The following SUMF1 variants were observed in gnomAD, a reference collection of about 807,000 sequenced individuals.
The protein encoded by SUMF1 is sulfatase modifying factor 1, also known as formylglycine-generating enzyme.
SUMF1 carries 48 observed loss-of-function variants against 47.6 expected under a neutral mutation model. That is an observed-to-expected ratio of 1.01 (90% confidence interval 0.80 to 1.28). SUMF1 has a LOEUF of 1.28. Ranked by LOEUF, SUMF1 falls within the 50% of genes most tolerant of loss-of-function variation. SUMF1 has a pLI of 0.00. For missense variants in SUMF1, 571 were observed against 485.4 expected, an observed-to-expected ratio of 1.18 and a Z score of -1.66; for synonymous variants, 230 against 192.1, an observed-to-expected ratio of 1.20 and a Z score of -1.63.
chr3:4,417,671 TACC>T (rs1401752446), intron 5 of SUMF1, among the ~76,000 whole-genome samples: 1 of 152,204 alleles, frequency 6.6e-6, no homozygotes, highest in Non-Finnish European at 1.5e-5. Flanking sequence ...AGCAGAGACA[TACC>T]GCTGCTTCAG....
chr3:4,282,768 G>T (rs1008816533), intron 8 of SUMF1, among the ~76,000 whole-genome samples: 1 of 152,146 alleles, frequency 6.6e-6, no homozygotes, highest in Non-Finnish European at 1.5e-5. Context: ...TTTTTGTCCT[G>T]CGTCAATCAC....
intron 2 of SUMF1, among the ~76,000 whole-genome samples, chr3:4,449,564 T>C (rs770744391): frequency 1.3e-5 from 2 of 152,238 alleles, no homozygotes; most frequent in African/African-American, 4.8e-5. Flanking sequence ...ACTTAGCTGA[T>C]AAGAATGCAG....
At chr3:4,354,955 G>A (rs1007949784) in intron 8 of SUMF1, among the ~76,000 whole-genome samples, 8 of 152,190 alleles carry the variant, frequency 5.3e-5, no homozygotes, top group African/African-American at 1.9e-4. Flanking sequence ...AGAGGACATT[G>A]CTTGCCTTAC....
chr3:4,454,919 G>A lies in SUMF1; in HGVS notation c.271-1870C>T, dbSNP rs112672252. 5.4e-3 allele frequency among the ~76,000 whole-genome samples: 819 copies of A among 152,286 alleles called. 4 individuals are homozygous for A. Among genetic ancestry groups the A allele is most frequent in the Middle Eastern group, 0.01 (3 of 294 alleles). On this transcript the variant is annotated intron_variant, in intron 1 of 8. Transcript: ENST00000272902. ...ATTAGTGGTTGCCAGAGGCTAGGGG[G>A]AGGCAGGAATGGGGAATGATTGCTA... is the stretch of plus-strand genomic sequence containing the variant.
chr3:4,219,024 C>T (rs758300311), intron 8 of SUMF1, among the ~76,000 whole-genome samples: 6 of 152,116 alleles, frequency 3.9e-5, no homozygotes, highest in Non-Finnish European at 7.4e-5. Flanking sequence ...ATTCCGTAAG[C>T]TGCTGTATGA....
intron 8 of SUMF1, among the ~76,000 whole-genome samples, chr3:4,286,093 G>A (rs1166024247): frequency 2.0e-5 from 3 of 151,910 alleles, no homozygotes; most frequent in Admixed American, 6.6e-5. Context: ...TTTGTTATAT[G>A]CTTAAATTAT....
chr3:4,354,261 C>A (rs1699570699), intron 8 of SUMF1, among the ~76,000 whole-genome samples: 1 of 152,204 alleles, frequency 6.6e-6, no homozygotes, highest in African/African-American at 2.4e-5. Flanking sequence ...AACAATGAGG[C>A]AGAACTACCC....
chr3:4,351,480 C>A (rs894177934), intron 8 of SUMF1, among the ~76,000 whole-genome samples: 1 of 150,740 alleles, frequency 6.6e-6, no homozygotes, highest in African/African-American at 2.4e-5. Flanking sequence ...CTTTTCCTTT[C>A]ATTCTTCACA....
At chr3:4,108,080 A>C (rs1044892911) in intron 8 of SUMF1, among the ~76,000 whole-genome samples, 2 of 152,120 alleles carry the variant, frequency 1.3e-5, no homozygotes, top group Non-Finnish European at 2.9e-5. Flanking sequence ...TGTTTTTCAA[A>C]CTGTAGGTTG....
intron 3 of SUMF1, among the ~76,000 whole-genome samples, chr3:4,432,595 C>G (rs180769079): frequency 5.3e-4 from 80 of 152,250 alleles, no homozygotes; most frequent in African/African-American, 1.8e-3. Flanking sequence ...TAGATTTCAG[C>G]TCAGATGTCA....
chr3:4,190,410 T>C (rs1204979536), intron 8 of SUMF1, among the ~76,000 whole-genome samples: 1 of 151,960 alleles, frequency 6.6e-6, no homozygotes, highest in African/African-American at 2.4e-5. Flanking sequence ...AAAAGAATTA[T>C]TATAACATCC....
At position 4,453,830 on chromosome 3, in the gene SUMF1, G is replaced by A. The variant is rs549668465; in HGVS notation, c.271-781C>T. The stretch of plus-strand genomic sequence containing the variant: ...ATTACAGGTGTGAGCCACTGCGCCC[G>A]GCCAAGCTGATTTTTTTTTTAAGTG... On this transcript the variant is annotated intron_variant, in intron 1 of 8. Transcript: ENST00000272902. Among the ~76,000 whole-genome samples, 4 of 151,894 alleles carry A rather than the reference G, an allele frequency of 2.6e-5. No individual in the cohort carries two copies. In the East Asian group the frequency reaches 7.8e-4, roughly 29 times the overall value.
At chr3:4,253,461 G>A (rs758098314) in intron 8 of SUMF1, among the ~76,000 whole-genome samples, 70 of 152,288 alleles carry the variant, frequency 4.6e-4, no homozygotes, top group Non-Finnish European at 7.8e-4. Flanking sequence ...AAGCACAAGG[G>A]GTCAGGGAGT....
chr3:4,366,487 C>A (rs1699962215), intron 8 of SUMF1, among the ~76,000 whole-genome samples: 1 of 151,336 alleles, frequency 6.6e-6, no homozygotes, highest in Admixed American at 6.6e-5. Flanking sequence ...CACTGATACC[C>A]TTTCTTCCAG....
intron 8 of SUMF1, among the ~76,000 whole-genome samples, chr3:4,162,771 T>C (rs795288): frequency 0.33 from 50,470 of 151,926 alleles, 8,534 homozygotes; most frequent in East Asian, 0.4. Flanking sequence ...TAAAACCAGG[T>C]ACTGTGATCA....
At chr3:4,456,781 CGTGT>C (rs1158860397) in intron 1 of SUMF1, among the ~76,000 whole-genome samples, 3 of 87,640 alleles carry the variant, frequency 3.4e-5, no homozygotes, top group African/African-American at 1.2e-4. Flanking sequence ...CACATATATA[CGTGT>C]GTGTGTATAT....
chr3:4,234,472 T>C (rs371428033), intron 8 of SUMF1, among the ~76,000 whole-genome samples: 84 of 152,222 alleles, frequency 5.5e-4, no homozygotes, highest in African/African-American at 1.9e-3. Flanking sequence ...AGATGCTGGA[T>C]GGTATCTTTT....
At chr3:4,220,610 T>G (rs907569413) in intron 8 of SUMF1, among the ~76,000 whole-genome samples, 1 of 152,084 alleles carries the variant, frequency 6.6e-6, no homozygotes, top group Non-Finnish European at 1.5e-5. Context: ...TCTTGGATGA[T>G]GTTTTAGGTT....
At chr3:4,068,764 A>G (rs1433892445) in intron 8 of SUMF1, 2 of 347,632 alleles carry the variant, frequency 5.8e-6, no homozygotes, top group South Asian at 4.4e-5. Flanking sequence ...AATAAGAAGA[A>G]GAAGAAGAAG....
Sources: gnomAD v4.1 joint callset for allele counts (sites outside exome capture counted in the v4.1 genomes callset) on GRCh38, gnomAD v4.1.1 for gene constraint, MANE v1.5 for transcripts, NCBI Gene and HGNC (gene_info 2026-07-23, HGNC 2026-07-21) for gene names.